The following C1orf198 variants were observed in gnomAD, a reference collection of about 807,000 sequenced individuals.
C1orf198 encodes uncharacterized protein C1orf198.
Under a neutral mutation model 31.4 loss-of-function variants are expected in C1orf198, and 17 were observed. That is an observed-to-expected ratio of 0.54 (90% CI 0.37 to 0.81). The LOEUF is 0.81. Ranked by LOEUF, C1orf198 falls within the 40% of genes least tolerant of loss-of-function variation. The pLI, the probability that C1orf198 is intolerant of heterozygous loss-of-function variation, is 0.00. For missense variants in C1orf198, 401 were observed against 450.3 expected, an observed-to-expected ratio of 0.89 and a Z score of 0.99; for synonymous variants, 175 against 193.8, an observed-to-expected ratio of 0.90 and a Z score of 0.81.
At chr1:230,848,877 T>C (rs1273466800) in intron 2 of C1orf198, among the ~76,000 whole-genome samples, 2 of 152,094 alleles carry the variant, frequency 1.3e-5, no homozygotes, top group Non-Finnish European at 2.9e-5. Context: ...AAACAGACTC[T>C]AGCAGGGCCA....
Position 230,868,197 on chromosome 1 carries a change from C to G in C1orf198, c.316G>C (p.Val106Leu), listed in dbSNP as rs749354516. 723 of 1,519,806 alleles carry G rather than the reference C, an allele frequency of 4.8e-4. No individual in the cohort carries two copies. The highest frequency in any genetic ancestry group is 6.1e-4 in the Non-Finnish European group (691 of 1,137,092). The allele number at this position is 1,519,806 out of a possible 1,614,324, so 94.1% of individuals were successfully genotyped here. Residue 106 changes from valine (V) to leucine (L), a missense_variant, in exon 1 of 4, where the codon GTG becomes CTG. Transcript: ENST00000366663. ...GCACCTACCTCGTCCCCGAAGCGCA[C>G]CACCTTCTGGCCCGTGGGCCCGCGC... ...GLRGPTGQKVVRFGDEDLTWQ... is the reference protein window; with the variant it reads ...GLRGPTGQKVLRFGDEDLTWQ...
rs114787927 is a variant in C1orf198 at position 230,854,779 on chromosome 1, C to G, written c.384+889G>C. On this transcript the variant is annotated intron_variant, in intron 2 of 3. Coordinates refer to ENST00000366663, the MANE Select transcript of C1orf198 (RefSeq NM_032800.3). The stretch of plus-strand genomic sequence containing the variant: ...GGGCCTCTCAGGGTCCTTCATGAAC[C>G]ACTCTGGCCCACCCTCCTCATAGGT... Among the ~76,000 whole-genome samples, 278 of 152,308 alleles carry G rather than the reference C, an allele frequency of 1.8e-3. 3 individuals carry two copies. The highest frequency in any genetic ancestry group is 6.3e-3 in the African/African-American group (260 of 41,576).
At chr1:230,856,428 T>G (rs1189812845) in intron 1 of C1orf198, among the ~76,000 whole-genome samples, 1 of 152,046 alleles carries the variant, frequency 6.6e-6, no homozygotes. Context: ...ATCCAGTATG[T>G]TTTGTTCACT....
chr1:230,851,745 C>T (rs2102982855), intron 2 of C1orf198, among the ~76,000 whole-genome samples: 1 of 152,280 alleles, frequency 6.6e-6, no homozygotes, highest in South Asian at 2.1e-4. Flanking sequence ...GAGGAGGCAA[C>T]CGAGGCAGGG....
intron 2 of C1orf198, among the ~76,000 whole-genome samples, chr1:230,852,977 C>T (rs1443721667): frequency 3.9e-5 from 6 of 152,168 alleles, no homozygotes; most frequent in Non-Finnish European, 7.3e-5. Context: ...CTTCCGTTCC[C>T]GCACACGGAT....
intron 1 of C1orf198, 58 bp downstream of exon 1, chr1:230,868,122 C>A (rs917069862): frequency 3.8e-6 from 5 of 1,327,618 alleles, no homozygotes; most frequent in Non-Finnish European, 4.8e-6. Context: ...GCCCACCGGG[C>A]CGGGGCGCCT....
At chr1:230,862,637 A>T (rs2102992053) in intron 1 of C1orf198, among the ~76,000 whole-genome samples, 1 of 152,386 alleles carries the variant, frequency 6.6e-6, no homozygotes, top group South Asian at 2.1e-4. Context: ...GTATGAATCC[A>T]ACCATATTAC....
In C1orf198 at chr1:230,855,859, C is replaced by G. The variant is rs558684727; in HGVS notation, c.334-141G>C. ...TAAACAAGCCTGATGCTTTGACACT[C>G]TCAATATAATGCGCTGACCGTCTTG... On this transcript the variant is annotated intron_variant, in intron 1 of 3. Coordinates refer to ENST00000366663, the MANE Select transcript of C1orf198 (RefSeq NM_032800.3). 45 of 1,486,666 alleles carry G rather than the reference C, an allele frequency of 3.0e-5. No individual in the cohort carries two copies. The South Asian group carries it at 5.5e-4, about 18-fold the overall frequency. The allele number at this position is 1,486,666 out of a possible 1,614,324, so 92.1% of individuals were successfully genotyped here.
intron 1 of C1orf198, 43 bp downstream of exon 1, chr1:230,868,137 G>T: frequency 5.2e-6 from 7 of 1,341,314 alleles, no homozygotes; most frequent in Non-Finnish European, 6.7e-6. Flanking sequence ...GCGCCTCGGG[G>T]CGCCGGGAGG....
chr1:230,861,707 T>C (rs968187202), intron 1 of C1orf198, among the ~76,000 whole-genome samples: 25 of 152,162 alleles, frequency 1.6e-4, no homozygotes, highest in African/African-American at 5.6e-4. Context: ...TGCAAGTGTT[T>C]CTGGTGTGTG....
chr1:230,850,169 G>C (rs1558138780), intron 2 of C1orf198, among the ~76,000 whole-genome samples: 1 of 152,318 alleles, frequency 6.6e-6, no homozygotes, highest in East Asian at 1.9e-4. Context: ...TCATCAGCAT[G>C]ATCCCCATTT....
Position 230,839,786 on chromosome 1 carries a change from ATCC to A in C1orf198, c.*63_*65del. ...TACATAGGAAAAGGTGGCCCTTTTT[ATCC>A]TCCTCCACCACACCACTTTGGAAAA... On this transcript the variant is annotated 3_prime_UTR_variant, in exon 4 of 4. Transcript: ENST00000366663. 2.1e-6 allele frequency: 3 copies of A among 1,428,418 alleles called. 1 individual carries two copies. In the South Asian group the frequency reaches 3.8e-5, roughly 18 times the overall value. 88.5% of individuals were successfully genotyped at this position (1,428,418 alleles called of 1,614,324 possible). A position where few individuals can be genotyped will look rare whatever the true frequency, so the allele number is the denominator to read the frequency against.
At chr1:230,858,973 G>C (rs535736766) in intron 1 of C1orf198, among the ~76,000 whole-genome samples, 1 of 152,052 alleles carries the variant, frequency 6.6e-6, no homozygotes, top group African/African-American at 2.4e-5. Flanking sequence ...ACTTAGTGTC[G>C]AGTCAATAGT....
chr1:230,843,920 C>T lies in C1orf198; in HGVS notation c.385-24G>A, dbSNP rs1231777454. 1 of 1,495,982 alleles carries T rather than the reference C, an allele frequency of 6.7e-7. No homozygotes were observed. The highest frequency in any genetic ancestry group is 8.9e-7 in the Non-Finnish European group (1 of 1,128,598). The allele number at this position is 1,495,982 out of a possible 1,614,324, so 92.7% of individuals were successfully genotyped here. ...CTCTAGGGTGGGACATGAGAAAGGA[C>T]AGAAAAAAGAAAGAGATCCTGAGAA... On this transcript the variant is annotated intron_variant, in intron 2 of 3. Transcript: ENST00000366663. This position sits in a 1 kb window ranked among gnomAD's most constrained non-coding sequence, Gnocchi z 4.9.
Position 230,839,768 on chromosome 1 carries a change from G to A in C1orf198, c.*84C>T. The A allele has an allele frequency of 8.6e-7, 1 of 1,167,826 alleles. No homozygotes were observed. Among genetic ancestry groups the A allele is most frequent in the Non-Finnish European group, 1.2e-6 (1 of 812,368 alleles). 72.3% of individuals were successfully genotyped at this position (1,167,826 alleles called of 1,614,324 possible). On this transcript the variant is annotated 3_prime_UTR_variant, in exon 4 of 4. Transcript: ENST00000366663. ...GTCAAGAAACCAGTAAAATACATAG[G>A]AAAAGGTGGCCCTTTTTATCCTCCT...
At chr1:230,855,765 A>G (rs1558140760) in intron 1 of C1orf198, 47 bp from the exon 2 acceptor site, 2 of 1,606,232 alleles carry the variant, frequency 1.2e-6, no homozygotes, top group Non-Finnish European at 8.5e-7. Context: ...ACCCAGACAT[A>G]CCCCATGCAA....
At chr1:230,863,840 C>T (rs1033715727) in intron 1 of C1orf198, among the ~76,000 whole-genome samples, 13 of 152,242 alleles carry the variant, frequency 8.5e-5, no homozygotes, top group African/African-American at 3.1e-4. Flanking sequence ...GCTATCCTTT[C>T]TAAAACATCC....
upstream of C1orf198, chr1:230,869,002 C>CT (rs1670196017): frequency 1.3e-5 from 2 of 152,384 alleles, no homozygotes; most frequent in South Asian, 4.1e-4. Context: ...TGCCTGGCTT[C>CT]TGTTTTTACT....
At chr1:230,850,192 A>C (rs1248186230) in intron 2 of C1orf198, among the ~76,000 whole-genome samples, 1 of 152,230 alleles carries the variant, frequency 6.6e-6, no homozygotes, top group Non-Finnish European at 1.5e-5. Context: ...CCTCTATCAC[A>C]GTGCTTCCTA....
Sources: allele counts gnomAD v4.1 joint callset (sites outside exome capture counted in the v4.1 genomes callset), GRCh38; gene constraint gnomAD v4.1.1; non-coding constraint Gnocchi (gnomAD v3.1); transcripts MANE v1.5; gene names NCBI Gene and HGNC (gene_info 2026-07-23, HGNC 2026-07-21).